TTLL5: variants seen among roughly 807,000 people sequenced by gnomAD.
TTLL5 encodes the protein tubulin tyrosine ligase like 5, also known as tubulin polyglutamylase TTLL5.
TTLL5 carries 132 observed loss-of-function variants against 168.4 expected under a neutral mutation model. That is an observed-to-expected ratio of 0.78 (90% confidence interval 0.68 to 0.91). TTLL5 has a LOEUF of 0.91. Ranked by LOEUF, TTLL5 falls within the 40% of genes least tolerant of loss-of-function variation. The pLI, the probability that TTLL5 is intolerant of heterozygous loss-of-function variation, is 0.00. For synonymous variants in TTLL5, 546 were observed against 558.6 expected, an observed-to-expected ratio of 0.98 and a Z score of 0.32; for missense variants, 1,545 against 1,581.5, an observed-to-expected ratio of 0.98 and a Z score of 0.39.
chr14:75,782,801 C>T (rs996714569), intron 25 of TTLL5, among the ~76,000 whole-genome samples: 16 of 152,016 alleles, frequency 1.1e-4, no homozygotes, highest in African/African-American at 3.9e-4. Context: ...ATTCTTTGTT[C>T]CTAGAAGGGT....
intron 28 of TTLL5, among the ~76,000 whole-genome samples, chr14:75,846,792 GAA>G (rs5809732): frequency 1.4e-3 from 139 of 99,188 alleles, no homozygotes; most frequent in South Asian, 7.3e-3. Context: ...CTCCATCTCA[GAA>G]AAAAAAAAAA....
chr14:75,740,627 A>G (rs1409803428), intron 15 of TTLL5, among the ~76,000 whole-genome samples: 2 of 152,120 alleles, frequency 1.3e-5, no homozygotes, highest in African/African-American at 2.4e-5. Flanking sequence ...CCACCTGCCA[A>G]TTTCAAAGTA....
intron 3 of TTLL5, among the ~76,000 whole-genome samples, chr14:75,679,559 C>T (rs1884444610): frequency 6.6e-6 from 1 of 152,216 alleles, no homozygotes; most frequent in South Asian, 2.1e-4. Context: ...CTCTCGACTC[C>T]TTGTAAGTGT....
At chr14:75,809,121 T>C (rs959657669) in intron 27 of TTLL5, among the ~76,000 whole-genome samples, 4 of 152,148 alleles carry the variant, frequency 2.6e-5, no homozygotes, top group Non-Finnish European at 5.9e-5. Flanking sequence ...CTTTTTGGAT[T>C]CAGAAGTCTC....
chr14:75,792,852 T>C, intron 26 of TTLL5, 64 bp from the exon 27 acceptor site: 1 of 1,434,976 alleles, frequency 7.0e-7, no homozygotes. Context: ...ATTTCTGTCA[T>C]TATCCTAATT....
Position 75,663,211 on chromosome 14 carries a change from T to A in TTLL5, c.62T>A (p.Val21Asp). The change falls in exon 2 of 32, where the codon GTC (valine) becomes GAC (aspartate). Residue 21 changes from valine to aspartate, a missense_variant. Physicochemically the swap from Val to Asp is radical, Grantham distance 152. Transcript: ENST00000298832. ...ETASSSEDEEVISQEDHPCIM... is the reference protein window; with the variant it reads ...ETASSSEDEEDISQEDHPCIM... ...GCATCATCCTCAGAGGATGAGGAGG[T>A]CATAAGTCAAGAGTAAGTAATAGCA... 1 of 1,612,658 alleles carries A rather than the reference T, an allele frequency of 6.2e-7. No individual in the cohort carries two copies. The highest frequency in any genetic ancestry group is 8.5e-7 in the Non-Finnish European group (1 of 1,179,528).
chr14:75,860,257 C>A (rs1013262307), intron 28 of TTLL5, among the ~76,000 whole-genome samples: 1 of 152,196 alleles, frequency 6.6e-6, no homozygotes, highest in Non-Finnish European at 1.5e-5. Flanking sequence ...CACACACCTG[C>A]AAACCTGTCC....
chr14:75,941,752 C>A (rs2034612429), intron 31 of TTLL5, among the ~76,000 whole-genome samples: 1 of 151,932 alleles, frequency 6.6e-6, no homozygotes, highest in Non-Finnish European at 1.5e-5. Context: ...GTGATTCTCC[C>A]TCCTCAGCCT....
chr14:75,859,027 C>G (rs1897280261), intron 28 of TTLL5, among the ~76,000 whole-genome samples: 1 of 152,176 alleles, frequency 6.6e-6, no homozygotes, highest in African/African-American at 2.4e-5. Flanking sequence ...TCAAAAAGAG[C>G]AGGGGCATCC....
chr14:75,947,047 G>A (rs1466574059), intron 31 of TTLL5, among the ~76,000 whole-genome samples: 2 of 152,188 alleles, frequency 1.3e-5, no homozygotes, highest in African/African-American at 4.8e-5. Flanking sequence ...GGCCCTGGGG[G>A]CCAAGGAGAG....
At chr14:75,924,606 T>TCACC (rs1003384864) in intron 31 of TTLL5, among the ~76,000 whole-genome samples, 4 of 151,860 alleles carry the variant, frequency 2.6e-5, no homozygotes, top group African/African-American at 9.7e-5. Flanking sequence ...GGGGGTAAGG[T>TCACC]CACCGATCAA....
chr14:75,756,962 TTTGTTGTTG>T (rs138625752), intron 18 of TTLL5, among the ~76,000 whole-genome samples: 5 of 150,504 alleles, frequency 3.3e-5, no homozygotes, highest in African/African-American at 4.9e-5. Flanking sequence ...CAATAGAGGT[TTTGTTGTTG>T]TTGTTGTTGT....
rs2032034085 is a variant in TTLL5, at chr14:75,885,025, T to A, written c.3740+2123T>A. 4.2e-5 allele frequency among the ~76,000 whole-genome samples: 6 copies of A among 144,030 alleles called. No homozygotes were observed. The South Asian group carries it at 1.3e-3, about 32-fold the overall frequency. 94.5% of individuals were successfully genotyped at this position (144,030 alleles called of 152,430 possible). ...CTCTACTAAAAATACAAAAAAAAAT[T>A]AGCCAGGCATGCTGGCAGGCACCCG... is the stretch of plus-strand genomic sequence containing the variant. On this transcript the variant is annotated intron_variant, in intron 30 of 31. Coordinates refer to ENST00000298832, the MANE Select transcript of TTLL5 (RefSeq NM_015072.5).
intron 9 of TTLL5, 181 bp from the exon 10 acceptor site, chr14:75,717,680 A>G (rs777231289): frequency 2.4e-5 from 14 of 573,352 alleles, no homozygotes; most frequent in Middle Eastern, 2.8e-4. Flanking sequence ...GGTTGCTTTA[A>G]GGATTGAATT....
At chr14:75,926,033 G>A (rs1386862649) in intron 31 of TTLL5, among the ~76,000 whole-genome samples, 1 of 149,148 alleles carries the variant, frequency 6.7e-6, no homozygotes, top group Non-Finnish European at 1.5e-5. Flanking sequence ...ATCAGAGGGA[G>A]ACCGGGGAAA....
chr14:75,877,248 G>T (rs992875669), intron 29 of TTLL5, among the ~76,000 whole-genome samples: 1 of 152,108 alleles, frequency 6.6e-6, no homozygotes, highest in Non-Finnish European at 1.5e-5. Context: ...CTGAGTGAAG[G>T]CTAAAAGGAG....
intron 17 of TTLL5, among the ~76,000 whole-genome samples, chr14:75,750,697 C>G (rs1358439806): frequency 5.3e-5 from 8 of 152,162 alleles, no homozygotes; most frequent in Middle Eastern, 6.8e-3. Flanking sequence ...GGGCCAGTGC[C>G]CCTAAACCCC....
At chr14:75,928,303 T>G (rs2034143811) in intron 31 of TTLL5, among the ~76,000 whole-genome samples, 1 of 138,492 alleles carries the variant, frequency 7.2e-6, no homozygotes, top group Non-Finnish European at 1.5e-5. Context: ...GTTATTAAAT[T>G]ATGGCACAGC....
chr14:75,916,425 T>C lies in TTLL5; in HGVS notation c.3823+14201T>C, dbSNP rs143877294. 1.6e-3 allele frequency among the ~76,000 whole-genome samples: 249 copies of C among 152,088 alleles called. 11 individuals are homozygous for C. The East Asian group carries it at 0.035, about 21-fold the overall frequency. Reference sequence around the variant, plus strand: ...GGGAGGCTGAGGCAGGAAGACTACTTGAGGCCAGGAGTTCAAGACCAGCCT... The same window carrying C: ...GGGAGGCTGAGGCAGGAAGACTACTCGAGGCCAGGAGTTCAAGACCAGCCT... On this transcript the variant is annotated intron_variant, in intron 31 of 31. Coordinates refer to ENST00000298832, the MANE Select transcript of TTLL5 (RefSeq NM_015072.5).
Sources: allele counts gnomAD v4.1 joint callset (sites outside exome capture counted in the v4.1 genomes callset), GRCh38; gene constraint gnomAD v4.1.1; transcripts MANE v1.5; gene names NCBI Gene and HGNC (gene_info 2026-07-23, HGNC 2026-07-21).